The following PAK5 variants were observed in gnomAD, a reference collection of about 807,000 sequenced individuals.
The protein encoded by PAK5 is p21 (RAC1) activated kinase 5.
Under a neutral mutation model 65.9 loss-of-function variants are expected in PAK5, and 16 were observed. That is an observed-to-expected ratio of 0.24 (90% CI 0.16 to 0.37). The LOEUF (loss-of-function observed/expected upper bound fraction) is 0.37, where lower values mean the gene tolerates loss of function less well. Among genes scored for constraint, PAK5 ranks in the 10% least tolerant of loss-of-function variants. The probability of loss-of-function intolerance (pLI) is 1.00; values close to 1 mark genes in which losing one functional copy is unlikely to be tolerated. For missense variants in PAK5, 785 were observed against 903.9 expected (o/e 0.87, Z 1.69); for synonymous variants, 371 against 354.9 (o/e 1.05, Z -0.51).
chr20:9,637,680 T>C (rs2046999391), intron 3 of PAK5, among the ~76,000 whole-genome samples: 1 of 152,118 alleles, frequency 6.6e-6, no homozygotes. Context: ...TGAATTAATC[T>C]CAAAACACTA....
intron 2 of PAK5, among the ~76,000 whole-genome samples, chr20:9,657,284 G>A (rs775015657): frequency 2.0e-5 from 3 of 152,102 alleles, no homozygotes; most frequent in Non-Finnish European, 2.9e-5. Context: ...CTCTCAGCAC[G>A]AGGCCCTAGC....
At chr20:9,638,386 C>A (rs970755792) in intron 3 of PAK5, among the ~76,000 whole-genome samples, 7 of 152,222 alleles carry the variant, frequency 4.6e-5, no homozygotes, top group Non-Finnish European at 1.0e-4. Flanking sequence ...AGTTTGGGCA[C>A]ACAAACTGTT....
At chr20:9,756,166 G>A (rs1245761606) in intron 1 of PAK5, among the ~76,000 whole-genome samples, 1 of 152,182 alleles carries the variant, frequency 6.6e-6, no homozygotes, top group Admixed American at 6.5e-5. Flanking sequence ...CAATGCATTT[G>A]TGAAGACATT....
intron 1 of PAK5, among the ~76,000 whole-genome samples, chr20:9,781,067 A>G (rs1029366572): frequency 6.6e-6 from 1 of 152,142 alleles, no homozygotes; most frequent in Admixed American, 6.6e-5. Flanking sequence ...TTTCTTTTAT[A>G]TTGGCAGCTA....
At position 9,838,205 on chromosome 20, in the gene PAK5, G is replaced by GCACACACA. The variant is rs34591396; in HGVS notation, c.-162+549_-162+556dup. 6.6e-6 allele frequency among the ~76,000 whole-genome samples: 1 copy of GCACACACA among 150,482 alleles called. No homozygotes were observed. Among genetic ancestry groups the GCACACACA allele is most frequent in the Non-Finnish European group, 1.5e-5 (1 of 67,626 alleles). On this transcript the variant is annotated intron_variant, in intron 1 of 9. Transcript: ENST00000353224. This position sits in a 1 kb window ranked among gnomAD's most constrained non-coding sequence, Gnocchi z 4.5. ...GGCGCGCGCGCACACACACACGCGC[G>GCACACACA]CACACACACACACACACAAATAACA...
chr20:9,603,851 G>A (rs771730787), intron 3 of PAK5, among the ~76,000 whole-genome samples: 1 of 152,108 alleles, frequency 6.6e-6, no homozygotes, highest in Non-Finnish European at 1.5e-5. Context: ...TAGAAAAGCT[G>A]TGCCTCTGAA....
intron 3 of PAK5, among the ~76,000 whole-genome samples, chr20:9,613,701 G>T (rs2123154742): frequency 6.6e-6 from 1 of 152,220 alleles, no homozygotes; most frequent in African/African-American, 2.4e-5. Context: ...GAGCCTAATG[G>T]ACCTGGAGGA....
chr20:9,612,723 C>A (rs1319758405), intron 3 of PAK5, among the ~76,000 whole-genome samples: 1 of 152,084 alleles, frequency 6.6e-6, no homozygotes, highest in African/African-American at 2.4e-5. Flanking sequence ...TACAAAGATC[C>A]AAACCATATC....
chr20:9,601,506 A>G (rs2046358771), intron 3 of PAK5, among the ~76,000 whole-genome samples: 1 of 152,184 alleles, frequency 6.6e-6, no homozygotes, highest in South Asian at 2.1e-4. Context: ...AATCAGAAAG[A>G]AGAAGTTACA....
intron 8 of PAK5, 130 bp downstream of exon 8, chr20:9,544,239 A>T: frequency 1.0e-6 from 1 of 987,258 alleles, no homozygotes; most frequent in Non-Finnish European, 1.5e-6. Flanking sequence ...TGCCTCATCT[A>T]GTGAGTGGGG....
chr20:9,805,831 C>T (rs1406457496), intron 1 of PAK5, among the ~76,000 whole-genome samples: 1 of 152,164 alleles, frequency 6.6e-6, no homozygotes, highest in African/African-American at 2.4e-5. Flanking sequence ...TTGCAGAACT[C>T]TTTCAATAGT....
At chr20:9,655,215 C>T (rs1245960633) in intron 2 of PAK5, among the ~76,000 whole-genome samples, 2 of 152,198 alleles carry the variant, frequency 1.3e-5, no homozygotes, top group East Asian at 1.9e-4. Context: ...ATCCAAACCC[C>T]TTATCCCAGC....
chr20:9,618,877 A>G (rs1027899213), intron 3 of PAK5, among the ~76,000 whole-genome samples: 1 of 141,608 alleles, frequency 7.1e-6, no homozygotes, highest in East Asian at 2.1e-4. Flanking sequence ...GAAGGTAGAA[A>G]GTGGCTTCTC....
At chr20:9,754,062 C>A (rs914726024) in intron 1 of PAK5, among the ~76,000 whole-genome samples, 4 of 152,176 alleles carry the variant, frequency 2.6e-5, no homozygotes, top group Middle Eastern at 3.2e-3. Flanking sequence ...ATACTTAAGA[C>A]TCCAATCAAT....
intron 2 of PAK5, among the ~76,000 whole-genome samples, chr20:9,682,225 C>T (rs6141001): frequency 0.29 from 44,064 of 151,694 alleles, 6,767 homozygotes; most frequent in African/African-American, 0.38. Context: ...GGCGTGGTGG[C>T]GGGCGCCTGT....
rs34203695 is a variant in PAK5 at position 9,687,671 on chromosome 20, CT to C, written c.-12+23614del. On this transcript the variant is annotated intron_variant, in intron 2 of 9. Transcript: ENST00000353224. ...TCATGGCTTCAGATACGGCCAAACA[CT>C]TTTTTTTGAGGCACTAGGGTGAGTT... 6.2e-3 allele frequency among the ~76,000 whole-genome samples: 945 copies of C among 152,052 alleles called. 11 individuals carry two copies. The highest frequency in any genetic ancestry group is 0.022 in the African/African-American group (892 of 41,466).
intron 1 of PAK5, among the ~76,000 whole-genome samples, chr20:9,793,068 T>A (rs1216384332): frequency 6.6e-6 from 1 of 152,094 alleles, no homozygotes. Context: ...CTAACCAGGA[T>A]GCCATTTTTT....
intron 1 of PAK5, among the ~76,000 whole-genome samples, chr20:9,790,925 G>A (rs773139105): frequency 5.3e-5 from 8 of 152,072 alleles, no homozygotes; most frequent in South Asian, 2.1e-4. Context: ...CTCATCTTCC[G>A]TGGCCTCTCC....
At chr20:9,715,372 C>T (rs1462003885) in intron 1 of PAK5, among the ~76,000 whole-genome samples, 15 of 151,904 alleles carry the variant, frequency 9.9e-5, no homozygotes, top group East Asian at 5.8e-4. Context: ...GTTAGAATGG[C>T]GATCATTAAA....
Sources: gnomAD v4.1 joint callset for allele counts (sites outside exome capture counted in the v4.1 genomes callset) on GRCh38, gnomAD v4.1.1 for gene constraint, Gnocchi (gnomAD v3.1) non-coding constraint, MANE v1.5 for transcripts, NCBI Gene and HGNC (gene_info 2026-07-23, HGNC 2026-07-21) for gene names.